Variants in GNG5 observed in about 807,000 individuals in gnomAD.
GNG5 encodes the protein G protein subunit gamma 5, also known as guanine nucleotide-binding protein G(I)/G(S)/G(O) subunit gamma-5.
In GNG5, 2 loss-of-function variants were observed where a neutral mutation model predicts 6.2. The ratio of observed to expected loss-of-function variants is 0.32; its 90% CI spans 0.13 to 1.01. The LOEUF (loss-of-function observed/expected upper bound fraction) is 1.01, where lower values mean the gene tolerates loss of function less well. Ranked by LOEUF, GNG5 falls within the 50% of genes least tolerant of loss-of-function variation. GNG5 has a pLI of 0.48. For synonymous variants in GNG5, 24 were observed against 33.0 expected (o/e 0.73, Z 0.93); for missense variants, 57 against 80.2 (o/e 0.71, Z 1.10).
At chr1:84,505,927 C>T (rs778337199) in intron 2 of GNG5, 84 bp downstream of exon 2, 5 of 971,164 alleles carry the variant, frequency 5.1e-6, no homozygotes, top group Non-Finnish European at 7.0e-6. Flanking sequence ...CGGCGCGTGT[C>T]CCGCCCGCCC....
rs182700922 is a variant in GNG5, at chr1:84,501,987, G to C, written c.82-17C>G. 4.4e-6 allele frequency: 7 copies of C among 1,595,862 alleles called. No homozygotes were observed. The Admixed American group carries it at 5.1e-5, about 12-fold the overall frequency. ...CTGGGAAACCTATACATAACAAAGA[G>C]GGGGGGAAGTGCCAGATGGTGAGAA... On this transcript the variant is annotated splice_polypyrimidine_tract_variant and intron_variant, in intron 2 of 3. Coordinates refer to ENST00000370645, the MANE Select transcript of GNG5 (RefSeq NM_005274.3).
rs1216244925 is a variant in GNG5, at chr1:84,506,158, A to G, written c.-67T>C. ...GTGGGCCGTGGGTCGGCGGGGCCAG[A>G]CAACTCAGCGGCGCGCGGCGGGGGC... is the stretch of plus-strand genomic sequence containing the variant. On this transcript the variant is annotated 5_prime_UTR_variant, in exon 2 of 4. Coordinates refer to ENST00000370645, the MANE Select transcript of GNG5 (RefSeq NM_005274.3). The G allele has an allele frequency of 2.1e-5, 28 of 1,364,410 alleles. No individual in the cohort carries two copies. The highest frequency in any genetic ancestry group is 2.6e-5 in the Non-Finnish European group (26 of 997,972). 84.5% of individuals were successfully genotyped at this position (1,364,410 alleles called of 1,614,324 possible). A position where few individuals can be genotyped will look rare whatever the true frequency, so the allele number is the denominator to read the frequency against.
In GNG5 at chr1:84,506,155, C is replaced by A; in HGVS notation, c.-64G>T. 1 of 1,382,318 alleles carries A rather than the reference C, an allele frequency of 7.2e-7. No individual in the cohort carries two copies. Among genetic ancestry groups the A allele is most frequent in the South Asian group, 1.3e-5 (1 of 77,062 alleles). The allele number at this position is 1,382,318 out of a possible 1,614,324, so 85.6% of individuals were successfully genotyped here. A position where few individuals can be genotyped will look rare whatever the true frequency, so the allele number is the denominator to read the frequency against. On this transcript the variant is annotated 5_prime_UTR_variant, in exon 2 of 4. Coordinates refer to ENST00000370645, the MANE Select transcript of GNG5 (RefSeq NM_005274.3). ...GTCGTGGGCCGTGGGTCGGCGGGGCCAGACAACTCAGCGGCGCGCGGCGGG... is the reference window on the plus strand; with the variant it reads ...GTCGTGGGCCGTGGGTCGGCGGGGCAAGACAACTCAGCGGCGCGCGGCGGG...
chr1:84,503,419 T>C (rs1239009246), intron 2 of GNG5, among the ~76,000 whole-genome samples: 1 of 152,174 alleles, frequency 6.6e-6, no homozygotes, highest in African/African-American at 2.4e-5. Flanking sequence ...GCTTATCGAA[T>C]CTATTTGTGT....
At chr1:84,502,844 CAAATT>C (rs898317744) in intron 2 of GNG5, among the ~76,000 whole-genome samples, 10 of 152,142 alleles carry the variant, frequency 6.6e-5, no homozygotes, top group African/African-American at 1.9e-4. Flanking sequence ...TAAACTAAAA[CAAATT>C]AAAAGAGGCA....
At chr1:84,506,323 G>A (rs1350464726) in intron 1 of GNG5, 22 bp from the exon 2 acceptor site, 2 of 395,486 alleles carry the variant, frequency 5.1e-6, no homozygotes, top group Non-Finnish European at 9.1e-6. Context: ...GGAGGAGAAG[G>A]GGCGGAGCAG....
intron 3 of GNG5, among the ~76,000 whole-genome samples, chr1:84,500,291 A>G (rs1375478797): frequency 6.6e-6 from 1 of 152,202 alleles, no homozygotes; most frequent in Non-Finnish European, 1.5e-5. Flanking sequence ...TTATTCTCCT[A>G]GCCCAAACTG....
intron 3 of GNG5, among the ~76,000 whole-genome samples, chr1:84,499,168 CAG>C (rs769085136): frequency 3.9e-5 from 6 of 151,936 alleles, no homozygotes; most frequent in Admixed American, 1.3e-4. Flanking sequence ...AATTGAAAAA[CAG>C]TGTACTAAAA....
rs1682218073 is a variant in GNG5 at position 84,506,165 on chromosome 1, AGCGGCGC to A, written c.-81_-75del. ...GTGGGTCGGCGGGGCCAGACAACTC[AGCGGCGC>A]GCGGCGGGGGCGGGGCTCCGAACTT... On this transcript the variant is annotated 5_prime_UTR_variant, in exon 2 of 4. Transcript: ENST00000370645. 1.6e-6 allele frequency: 2 copies of A among 1,257,474 alleles called. No individual in the cohort carries two copies. Among genetic ancestry groups the A allele is most frequent in the Non-Finnish European group, 1.1e-6 (1 of 916,594 alleles). 77.9% of individuals were successfully genotyped at this position (1,257,474 alleles called of 1,614,324 possible).
Position 84,506,326 on chromosome 1 carries a change from C to T in GNG5, c.-210-25G>A, listed in dbSNP as rs1468461241. The T allele has an allele frequency of 1.3e-5, 5 of 387,150 alleles. No individual in the cohort carries two copies. In the East Asian group the frequency reaches 1.7e-4, roughly 13 times the overall value. 24.0% of individuals were successfully genotyped at this position (387,150 alleles called of 1,614,324 possible). ...CCTGGAGGAGGGGGAGGAGAAGGGG[C>T]GGAGCAGTCGGTGGGCGCGGCGGCT... On this transcript the variant is annotated intron_variant, in intron 1 of 3. Coordinates refer to ENST00000370645, the MANE Select transcript of GNG5 (RefSeq NM_005274.3).
At position 84,506,286 on chromosome 1, in the gene GNG5, G is replaced by T. The variant is rs13093; in HGVS notation, c.-195C>A. The T allele has an allele frequency of 0.14, 59,165 of 428,000 alleles. 6,508 individuals are homozygous for T. The highest frequency in any genetic ancestry group is 0.41 in the African/African-American group (19,777 of 48,082). The allele number at this position is 428,000 out of a possible 1,614,324, so 26.5% of individuals were successfully genotyped here. On this transcript the variant is annotated 5_prime_UTR_variant, in exon 2 of 4. Coordinates refer to ENST00000370645, the MANE Select transcript of GNG5 (RefSeq NM_005274.3). The stretch of plus-strand genomic sequence containing the variant: ...AGCCCTCTGTTCCAGCTCCACACCC[G>T]GCCCCGAGCGCGAGCCTGGAGGAGG...
At chr1:84,504,160 TA>T (rs1682110871) in intron 2 of GNG5, among the ~76,000 whole-genome samples, 1 of 152,152 alleles carries the variant, frequency 6.6e-6, no homozygotes, top group South Asian at 2.1e-4. Context: ...ACATAAAGGT[TA>T]AAAGTAAGAT....
rs776391649 is a variant in GNG5 at position 84,506,120 on chromosome 1, G to C, written c.-29C>G. ...GCACGCGACGGCCGGGCCGATTCGT[G>C]GGTCGGTGGGTCGTGGGCCGTGGGT... On this transcript the variant is annotated 5_prime_UTR_variant, in exon 2 of 4. Coordinates refer to ENST00000370645, the MANE Select transcript of GNG5 (RefSeq NM_005274.3). 10 of 1,563,152 alleles carry C rather than the reference G, an allele frequency of 6.4e-6. No individual in the cohort carries two copies. The East Asian group carries it at 1.8e-4, about 28-fold the overall frequency.
At chr1:84,505,386 G>C (rs1237911587) in intron 2 of GNG5, among the ~76,000 whole-genome samples, 1 of 152,200 alleles carries the variant, frequency 6.6e-6, no homozygotes, top group Non-Finnish European at 1.5e-5. Context: ...GGTATGAAAT[G>C]CACGCTTTGT....
Position 84,506,247 on chromosome 1 carries a change from A to T in GNG5, c.-156T>A. On this transcript the variant is annotated 5_prime_UTR_variant, in exon 2 of 4. It removes an upstream start codon present in the reference 5' UTR. Coordinates refer to ENST00000370645, the MANE Select transcript of GNG5 (RefSeq NM_005274.3). ...CTCAGCGGCTCCACCCTCGGTGCGC[A>T]TGCGCGCCTTGCCAGCCCTCTGTTC... The T allele has an allele frequency of 1.4e-5, 7 of 511,368 alleles. No individual in the cohort carries two copies. Among genetic ancestry groups the T allele is most frequent in the Non-Finnish European group, 9.7e-6 (3 of 308,866 alleles). The allele number at this position is 511,368 out of a possible 1,614,324, so 31.7% of individuals were successfully genotyped here. A position where few individuals can be genotyped will look rare whatever the true frequency, so the allele number is the denominator to read the frequency against.
chr1:84,504,762 C>T (rs1682131207), intron 2 of GNG5, among the ~76,000 whole-genome samples: 1 of 152,134 alleles, frequency 6.6e-6, no homozygotes, highest in African/African-American at 2.4e-5. Flanking sequence ...AGGGGGATCC[C>T]ACACCAAGAC....
At chr1:84,502,085 A>G in intron 2 of GNG5, 115 bp from the exon 3 acceptor site, 1 of 685,176 alleles carries the variant, frequency 1.5e-6, no homozygotes, top group Non-Finnish European at 2.5e-6. Context: ...CTTGCTTCAA[A>G]AGAAGATACT....
At chr1:84,501,788 A>C in intron 3 of GNG5, 38 bp downstream of exon 3, 1 of 1,288,712 alleles carries the variant, frequency 7.8e-7, no homozygotes, top group Non-Finnish European at 1.1e-6. Flanking sequence ...AGTTATTCCT[A>C]CAGTGTGGGT....
At chr1:84,500,095 A>G (rs776725500) in intron 3 of GNG5, among the ~76,000 whole-genome samples, 3 of 152,184 alleles carry the variant, frequency 2.0e-5, no homozygotes, top group South Asian at 2.1e-4. Flanking sequence ...CATAACTCCA[A>G]TGTAGATTCT....
Sources: gnomAD v4.1 joint callset for allele counts (sites outside exome capture counted in the v4.1 genomes callset) on GRCh38, gnomAD v4.1.1 for gene constraint, MANE v1.5 for transcripts, NCBI Gene and HGNC (gene_info 2026-07-23, HGNC 2026-07-21) for gene names.